Variants in CNRIP1 observed in about 807,000 individuals in gnomAD.
The protein encoded by CNRIP1 is cannabinoid receptor interacting protein 1.
In CNRIP1, 10 loss-of-function variants were observed where a neutral mutation model predicts 15.2. The ratio of observed to expected loss-of-function variants is 0.66; its 90% CI spans 0.41 to 1.12. The LOEUF (loss-of-function observed/expected upper bound fraction) is 1.12, where lower values mean the gene tolerates loss of function less well. CNRIP1 is among the 50% of genes most tolerant of loss of function. The pLI is 0.00. For missense variants in CNRIP1, 211 were observed against 214.7 expected, an observed-to-expected ratio of 0.98 and a Z score of 0.11; for synonymous variants, 91 against 83.2, an observed-to-expected ratio of 1.09 and a Z score of -0.51.
chr2:68,311,005 A>C (rs1043693354), intron 2 of CNRIP1, among the ~76,000 whole-genome samples: 26 of 152,196 alleles, frequency 1.7e-4, no homozygotes, highest in African/African-American at 6.0e-4. Flanking sequence ...AGATCCATTA[A>C]AAAAAGAAAG....
chr2:68,291,749 C>T (rs1458982711), downstream of CNRIP1, among the ~76,000 whole-genome samples: 2 of 151,892 alleles, frequency 1.3e-5, no homozygotes, highest in Non-Finnish European at 2.9e-5. Context: ...CGTGGTAGCA[C>T]ACGCCCGTAA....
intron 2 of CNRIP1, 44 bp downstream of exon 2, chr2:68,317,113 A>C (rs1440561748): frequency 6.2e-7 from 1 of 1,612,548 alleles, no homozygotes; most frequent in East Asian, 2.2e-5. Flanking sequence ...TGTGGTTTCC[A>C]TTTTCCATGG....
At chr2:68,305,239 C>T (rs1241538127) in intron 2 of CNRIP1, among the ~76,000 whole-genome samples, 9 of 63,346 alleles carry the variant, frequency 1.4e-4, no homozygotes, top group South Asian at 4.8e-4. Context: ...AGTGAAACTC[C>T]GTCTCAAAAA....
chr2:68,302,318 C>A (rs1041903558), intron 2 of CNRIP1, among the ~76,000 whole-genome samples: 1 of 152,156 alleles, frequency 6.6e-6, no homozygotes, highest in Non-Finnish European at 1.5e-5. Context: ...ACATACTCAG[C>A]CTCATTACCA....
chr2:68,319,303 C>G lies in CNRIP1; in HGVS notation c.98G>C (p.Gly33Ala). ...VFYKVDGQRF[G>A]QNRTIKLLTG... ...GAGCAGCTTGATGGTGCGGTTCTGGCCGAAGCGCTGCCCGTCCACCTTGTA... is the reference window on the plus strand; with the variant it reads ...GAGCAGCTTGATGGTGCGGTTCTGGGCGAAGCGCTGCCCGTCCACCTTGTA... Residue 33 changes from glycine (G) to alanine (A), a missense_variant, in exon 1 of 3, where the codon GGC becomes GCC. Coordinates refer to ENST00000263655, the MANE Select transcript of CNRIP1 (RefSeq NM_015463.3). The G allele has an allele frequency of 6.4e-7, 1 of 1,554,344 alleles. No homozygotes were observed. Among genetic ancestry groups the G allele is most frequent in the Non-Finnish European group, 8.7e-7 (1 of 1,148,810 alleles).
chr2:68,311,794 A>G (rs1032161875), intron 2 of CNRIP1, among the ~76,000 whole-genome samples: 2 of 151,224 alleles, frequency 1.3e-5, no homozygotes, highest in Admixed American at 1.3e-4. Flanking sequence ...AAAAAAAAAA[A>G]AAAAAAAAGA....
intron 2 of CNRIP1, among the ~76,000 whole-genome samples, chr2:68,301,844 T>A (rs1671618491): frequency 6.9e-6 from 1 of 144,530 alleles, no homozygotes; most frequent in African/African-American, 2.6e-5. Flanking sequence ...GTGAGCCGAG[T>A]TTGCGCCACT....
intron 1 of CNRIP1, among the ~76,000 whole-genome samples, chr2:68,318,114 A>ATGTGAGAATAAAGG (rs1672345143): frequency 3.3e-5 from 5 of 152,020 alleles, no homozygotes; most frequent in African/African-American, 1.2e-4. Context: ...TGCACAGAAC[A>ATGTGAGAATAAAGG]CTGGGAAATG....
In CNRIP1 at chr2:68,284,462, T is replaced by TG. The variant is rs1416456693; in HGVS notation, c.352dup (p.Gln118ProfsTer8). The stretch of plus-strand genomic sequence containing the variant: ...ACATTCATATGTAAGAGAGATCTCT[T>TG]GGGGTCGTTGTTCCAGGCACTCCTG... On this transcript the variant is annotated frameshift_variant, in exon 3 of 3. Transcript: ENST00000409559. LOFTEE classifies it high-confidence loss of function. 6.5e-7 allele frequency: 1 copy of TG among 1,542,434 alleles called. No individual in the cohort carries two copies. Among genetic ancestry groups the TG allele is most frequent in the East Asian group, 2.5e-5 (1 of 40,530 alleles).
chr2:68,304,123 G>A (rs1378004217), intron 2 of CNRIP1, among the ~76,000 whole-genome samples: 2 of 151,302 alleles, frequency 1.3e-5, no homozygotes, highest in African/African-American at 4.9e-5. Flanking sequence ...TGCAGGGGGT[G>A]CATGCCTGTA....
At chr2:68,299,687 C>T (rs1444785581) in intron 2 of CNRIP1, among the ~76,000 whole-genome samples, 3 of 152,192 alleles carry the variant, frequency 2.0e-5, no homozygotes, top group Non-Finnish European at 2.9e-5. Flanking sequence ...AATGTTCTTA[C>T]GAGTTGCAAG....
intron 2 of CNRIP1, among the ~76,000 whole-genome samples, chr2:68,303,015 T>C (rs1281359725): frequency 6.6e-6 from 1 of 151,630 alleles, no homozygotes; most frequent in Non-Finnish European, 1.5e-5. Flanking sequence ...GCCCGGCTAA[T>C]TTTTTGTATT....
intron 2 of CNRIP1, among the ~76,000 whole-genome samples, chr2:68,306,576 T>C (rs1159588044): frequency 6.6e-6 from 1 of 151,700 alleles, no homozygotes; most frequent in Non-Finnish European, 1.5e-5. Flanking sequence ...AGGTCAGGAG[T>C]TTGAGACCAG....
At chr2:68,292,086 T>C (rs1671187373), downstream of CNRIP1, among the ~76,000 whole-genome samples, 1 of 152,204 alleles carries the variant, frequency 6.6e-6, no homozygotes, top group Non-Finnish European at 1.5e-5. Flanking sequence ...CTATTGGATA[T>C]TCTGGAAGAA....
At chr2:68,286,451 G>A (rs1018164835) in intron 2 of CNRIP1, among the ~76,000 whole-genome samples, 2 of 152,028 alleles carry the variant, frequency 1.3e-5, no homozygotes, top group South Asian at 2.1e-4. Context: ...AAAAACATTA[G>A]TATTTTAAAA....
At chr2:68,291,584 A>G (rs906956250), downstream of CNRIP1, among the ~76,000 whole-genome samples, 1 of 145,958 alleles carries the variant, frequency 6.9e-6, no homozygotes, top group African/African-American at 2.7e-5. Flanking sequence ...GTTAAAAAAG[A>G]AAAAAAAAAG....
At chr2:68,298,167 A>G (rs565194208) in intron 2 of CNRIP1, among the ~76,000 whole-genome samples, 68 of 152,292 alleles carry the variant, frequency 4.5e-4, no homozygotes, top group Admixed American at 3.3e-3. Context: ...CTCATTTTAT[A>G]ATTTACCAAG....
chr2:68,301,783 T>C (rs1020814139), intron 2 of CNRIP1, among the ~76,000 whole-genome samples: 2 of 150,560 alleles, frequency 1.3e-5, no homozygotes, highest in Non-Finnish European at 3.0e-5. Context: ...TCCCAGCTAC[T>C]TGGGAGGCTG....
intron 2 of CNRIP1, among the ~76,000 whole-genome samples, chr2:68,311,629 G>A (rs910277329): frequency 4.6e-5 from 7 of 151,686 alleles, no homozygotes; most frequent in African/African-American, 1.2e-4. Context: ...CAAAAAATTA[G>A]CTGGGTATGG....
Sources: allele counts gnomAD v4.1 joint callset (sites outside exome capture counted in the v4.1 genomes callset), GRCh38; gene constraint gnomAD v4.1.1; transcripts MANE v1.5; gene names NCBI Gene and HGNC (gene_info 2026-07-23, HGNC 2026-07-21).